EPHB1: variants seen among roughly 807,000 people sequenced by gnomAD.
EPHB1 encodes the protein EPH receptor B1, also known as ephrin type-B receptor 1.
Under a neutral mutation model 94.4 loss-of-function variants are expected in EPHB1, and 30 were observed. The observed-to-expected ratio is 0.32, with a 90% CI of 0.24 to 0.43. EPHB1 has a LOEUF of 0.43. Ranked by LOEUF, EPHB1 falls within the 20% of genes least tolerant of loss-of-function variation. The probability of loss-of-function intolerance (pLI) is 1.00; values close to 1 mark genes in which losing one functional copy is unlikely to be tolerated. For synonymous variants in EPHB1, 522 were observed against 489.1 expected (o/e 1.07, Z -0.89); for missense variants, 1,055 against 1,308.3 (o/e 0.81, Z 2.99).
At chr3:135,207,206 T>C (rs1942921034) in intron 12 of EPHB1, among the ~76,000 whole-genome samples, 1 of 152,236 alleles carries the variant, frequency 6.6e-6, no homozygotes, top group African/African-American at 2.4e-5. Context: ...GTGATAAGTG[T>C]CTTTGTAGAT....
At chr3:134,931,923 G>C (rs1353120126) in intron 2 of EPHB1, among the ~76,000 whole-genome samples, 2 of 151,936 alleles carry the variant, frequency 1.3e-5, no homozygotes, top group Non-Finnish European at 2.9e-5. Flanking sequence ...ATGTATATGT[G>C]TGTATATGTG....
Position 135,112,433 on chromosome 3 carries a change from T to C in EPHB1, c.961+5830T>C, listed in dbSNP as rs148326465. ...TATACTTTAAGTTTTAGGGTACATG[T>C]GCACAACGTGCAGGTTTGTTACATA... On this transcript the variant is annotated intron_variant, in intron 4 of 15. Coordinates refer to ENST00000398015, the MANE Select transcript of EPHB1 (RefSeq NM_004441.5). Among the ~76,000 whole-genome samples, 1,473 of 152,234 alleles carry C rather than the reference T, an allele frequency of 9.7e-3. 19 individuals are homozygous for C. Among genetic ancestry groups the C allele is most frequent in the African/African-American group, 0.033 (1,391 of 41,534 alleles).
At chr3:134,846,572 T>G (rs1009323626) in intron 1 of EPHB1, among the ~76,000 whole-genome samples, 1 of 152,198 alleles carries the variant, frequency 6.6e-6, no homozygotes, top group South Asian at 2.1e-4. Context: ...GTAAAATGGC[T>G]TTTCCCCCTT....
chr3:135,252,258 A>C (rs1933146516), intron 15 of EPHB1, among the ~76,000 whole-genome samples: 1 of 150,972 alleles, frequency 6.6e-6, no homozygotes, highest in Non-Finnish European at 1.5e-5. Context: ...GTACATGTGC[A>C]CATTGTGCAG....
chr3:134,887,864 C>G (rs1477114961), intron 1 of EPHB1, among the ~76,000 whole-genome samples: 1 of 152,160 alleles, frequency 6.6e-6, no homozygotes, highest in Non-Finnish European at 1.5e-5. Context: ...TACTATTTCC[C>G]ACTTGGAGGA....
intron 1 of EPHB1, among the ~76,000 whole-genome samples, chr3:134,905,547 G>T (rs769682783): frequency 3.3e-5 from 5 of 152,230 alleles, no homozygotes; most frequent in Non-Finnish European, 5.9e-5. Context: ...GGGACCACCC[G>T]CTGGGAAAAG....
chr3:135,248,206 G>A, intron 13 of EPHB1, 110 bp from the exon 14 acceptor site: 2 of 1,046,560 alleles, frequency 1.9e-6, no homozygotes, highest in Non-Finnish European at 2.7e-6. Context: ...ACAGAGCAAG[G>A]GCATCTGAGA....
At chr3:135,053,007 A>ATG (rs1937228450) in intron 3 of EPHB1, among the ~76,000 whole-genome samples, 1 of 33,912 alleles carries the variant, frequency 2.9e-5, no homozygotes, top group East Asian at 9.4e-4. Flanking sequence ...ATGTGTGTGT[A>ATG]TATATATGTG....
At chr3:134,966,308 G>C (rs967078055) in intron 3 of EPHB1, among the ~76,000 whole-genome samples, 2 of 152,244 alleles carry the variant, frequency 1.3e-5, no homozygotes, top group African/African-American at 2.4e-5. Context: ...AAGGGACAAG[G>C]AGGGGGCCTT....
At chr3:135,068,561 A>T (rs1343232962) in intron 3 of EPHB1, among the ~76,000 whole-genome samples, 2 of 151,500 alleles carry the variant, frequency 1.3e-5, no homozygotes. Flanking sequence ...GTCTTGTCAG[A>T]TATATGATTT....
chr3:134,795,741 A>G, intron 1 of EPHB1, 52 bp downstream of exon 1: 1 of 1,571,338 alleles, frequency 6.4e-7, no homozygotes, highest in Non-Finnish European at 8.7e-7. Context: ...CCGCCTTGGG[A>G]CTGCTGTGCT....
intron 12 of EPHB1, among the ~76,000 whole-genome samples, chr3:135,235,544 C>G (rs1943631016): frequency 6.6e-6 from 1 of 152,136 alleles, no homozygotes; most frequent in Non-Finnish European, 1.5e-5. Context: ...AAAAACCTAC[C>G]AATGCTTGGG....
At chr3:135,095,694 G>A (rs1274143060) in intron 3 of EPHB1, among the ~76,000 whole-genome samples, 1 of 152,146 alleles carries the variant, frequency 6.6e-6, no homozygotes, top group Non-Finnish European at 1.5e-5. Flanking sequence ...CACAGGAACT[G>A]TGCCTGAGCC....
chr3:134,812,767 T>G (rs2036200096), intron 1 of EPHB1, among the ~76,000 whole-genome samples: 2 of 152,178 alleles, frequency 1.3e-5, no homozygotes, highest in Non-Finnish European at 2.9e-5. Flanking sequence ...TCACCAGCAG[T>G]TGGTATTTTC....
At chr3:135,152,429 TA>T (rs1034296445) in intron 5 of EPHB1, among the ~76,000 whole-genome samples, 140 of 152,236 alleles carry the variant, frequency 9.2e-4, no homozygotes, top group African/African-American at 3.2e-3. Flanking sequence ...AGGGAAGTTG[TA>T]GGGGGAATCA....
intron 3 of EPHB1, among the ~76,000 whole-genome samples, chr3:134,994,482 A>G (rs543350610): frequency 4.6e-5 from 7 of 152,298 alleles, no homozygotes; most frequent in Admixed American, 3.9e-4. Flanking sequence ...AGACTCCTCA[A>G]GTCATAGCCT....
At chr3:134,875,414 G>A (rs1333423329) in intron 1 of EPHB1, among the ~76,000 whole-genome samples, 1 of 152,164 alleles carries the variant, frequency 6.6e-6, no homozygotes, top group African/African-American at 2.4e-5. Context: ...CAGTATGAGA[G>A]GTCTCAGTCC....
At chr3:135,222,131 G>C (rs1943289778) in intron 12 of EPHB1, among the ~76,000 whole-genome samples, 1 of 152,156 alleles carries the variant, frequency 6.6e-6, no homozygotes, top group East Asian at 1.9e-4. Context: ...AGTAACCTAA[G>C]TGAGGTATTT....
intron 9 of EPHB1, among the ~76,000 whole-genome samples, chr3:135,176,847 A>G (rs1053131159): frequency 6.6e-6 from 1 of 152,194 alleles, no homozygotes; most frequent in Non-Finnish European, 1.5e-5. Context: ...ATTAATTTCC[A>G]TGGAAGAGTT....
Sources: gnomAD v4.1 joint callset for allele counts (sites outside exome capture counted in the v4.1 genomes callset) on GRCh38, gnomAD v4.1.1 for gene constraint, MANE v1.5 for transcripts, NCBI Gene and HGNC (gene_info 2026-07-23, HGNC 2026-07-21) for gene names.